KIR3DL2: variants seen among roughly 807,000 people sequenced by gnomAD.
The protein encoded by KIR3DL2 is killer cell immunoglobulin like receptor, three Ig domains and long cytoplasmic tail 2.
Under a neutral mutation model 41.6 loss-of-function variants are expected in KIR3DL2, and 42 were observed. The ratio of observed to expected loss-of-function variants is 1.01; its 90% CI spans 0.79 to 1.31. KIR3DL2 has a LOEUF of 1.31. Among genes scored for constraint, KIR3DL2 ranks in the 50% most tolerant of loss-of-function variants. The probability of loss-of-function intolerance (pLI) is 0.00; values close to 1 mark genes in which losing one functional copy is unlikely to be tolerated. For missense variants in KIR3DL2, 728 were observed against 576.8 expected (o/e 1.26, Z -2.68); for synonymous variants, 230 against 221.3 (o/e 1.04, Z -0.35).
At position 54,851,235 on chromosome 19, in the gene KIR3DL2, AG is replaced by A. The variant is rs530464666; in HGVS notation, c.55del (p.Ala19ProfsTer67). ...TTCTTTCCAGGGTTCTTCTTGCTGC[AG>A]GGGGCCTGGCCACTCATGGGTGAGT... ...SMACVGFFLL[Q>X]GAWPLMGGQD... On this transcript the variant is annotated frameshift_variant, in exon 2 of 9. Transcript: ENST00000326321. LOFTEE classifies it high-confidence loss of function. 4.2e-5 allele frequency: 67 copies of A among 1,609,694 alleles called. No individual in the cohort carries two copies. The African/African-American group carries it at 7.4e-4, about 18-fold the overall frequency.
At chr19:54,860,539 C>A (rs1332057572) in intron 6 of KIR3DL2, among the ~76,000 whole-genome samples, 2 of 151,924 alleles carry the variant, frequency 1.3e-5, no homozygotes, top group Admixed American at 6.6e-5. Context: ...CCGGCTAACT[C>A]TTTTTGCATA....
Position 54,852,241 on chromosome 19 carries a change from G to T in KIR3DL2, c.314G>T (p.Gly105Val). 2 of 1,610,808 alleles carry T rather than the reference G, an allele frequency of 1.2e-6. No individual in the cohort carries two copies. Among genetic ancestry groups the T allele is most frequent in the Non-Finnish European group, 1.7e-6 (2 of 1,178,398 alleles). The change falls in exon 3 of 9, where the codon GGG (glycine) becomes GTG (valine). Residue 105 changes from glycine to valine, a missense_variant. Physicochemically the swap from Gly to Val is moderately radical, Grantham distance 109 (BLOSUM62 -3). Coordinates refer to ENST00000326321, the MANE Select transcript of KIR3DL2 (RefSeq NM_006737.4). Reference protein sequence around the residue: ...CRGSRPHSLTGWSAPSNPLVI... With the variant: ...CRGSRPHSLTVWSAPSNPLVI... ...GGTTCACGCCCACACTCCCTCACTGGGTGGTCGGCACCCAGCAACCCCCTG... is the reference window on the plus strand; with the variant it reads ...GGTTCACGCCCACACTCCCTCACTGTGTGGTCGGCACCCAGCAACCCCCTG...
At chr19:54,858,997 C>T in intron 5 of KIR3DL2, 82 bp from the exon 6 acceptor site, 2 of 1,247,174 alleles carry the variant, frequency 1.6e-6, no homozygotes, top group Non-Finnish European at 2.3e-6. Context: ...AGAGTGTTGG[C>T]CATGAACCAA....
Position 54,866,316 on chromosome 19 carries a change from A to T in KIR3DL2, c.1106-54A>T, listed in dbSNP as rs546293196. On this transcript the variant is annotated intron_variant, in intron 7 of 8. Coordinates refer to ENST00000326321, the MANE Select transcript of KIR3DL2 (RefSeq NM_006737.4). ...CTGTGGGTTGGTGTCTGCCCATGAA[A>T]TGAGGACCCAGAAGGGCCCTCCAAG... The T allele has an allele frequency of 4.1e-4, 659 of 1,596,318 alleles. 10 individuals carry two copies. In the South Asian group the frequency reaches 6.8e-3, roughly 17 times the overall value.
chr19:54,857,541 T>C (rs565108403), intron 5 of KIR3DL2, among the ~76,000 whole-genome samples: 2 of 130,634 alleles, frequency 1.5e-5, no homozygotes, highest in South Asian at 5.1e-4. Flanking sequence ...CATTTTACTT[T>C]ACTTTATTTA....
At chr19:54,855,934 C>T in intron 5 of KIR3DL2, 22 bp downstream of exon 5, 1 of 1,612,380 alleles carries the variant, frequency 6.2e-7, no homozygotes, top group Non-Finnish European at 8.5e-7. Context: ...CCGTGTCTGT[C>T]CCATGTCTTA....
chr19:54,850,637 G>T lies in KIR3DL2; in HGVS notation c.34+128G>T. On this transcript the variant is annotated intron_variant, in intron 1 of 8. Transcript: ENST00000326321. ...ATATGGGCCTGGGTGTGGAGATATG[G>T]GCCTGGAGGTGTAAATATGGGCCTG... The T allele has an allele frequency of 1.1e-5, 16 of 1,412,490 alleles. No homozygotes were observed. The South Asian group carries it at 1.9e-4, about 16-fold the overall frequency. 87.5% of individuals were successfully genotyped at this position (1,412,490 alleles called of 1,614,324 possible).
At position 54,859,114 on chromosome 19, in the gene KIR3DL2, C is replaced by A. The variant is rs1394177984; in HGVS notation, c.985C>A (p.Pro329Thr). The A allele has an allele frequency of 8.1e-6, 13 of 1,613,594 alleles. No individual in the cohort carries two copies. The East Asian group carries it at 2.9e-4, about 36-fold the overall frequency. Residue 329 changes from proline (P) to threonine (T), a missense_variant, in exon 6 of 9, where the codon CCA becomes ACA. Physicochemically the swap from Pro to Thr is conservative, Grantham distance 38. Coordinates refer to ENST00000326321, the MANE Select transcript of KIR3DL2 (RefSeq NM_006737.4). The part of the protein sequence containing the change: ...PSSSWPSPTE[P>T]SSKSGICRHL... ...AAGTAGTTGGCCTTCACCCACAGAA[C>A]CAAGCTCCAAATCTGGTGAGTAAAG...
At chr19:54,865,011 T>C (rs551251954) in intron 6 of KIR3DL2, among the ~76,000 whole-genome samples, 2 of 152,242 alleles carry the variant, frequency 1.3e-5, no homozygotes, top group South Asian at 2.1e-4. Context: ...AGATGGCTCT[T>C]ATTATTTTGA....
chr19:54,858,521 G>A (rs1170820829), intron 5 of KIR3DL2, among the ~76,000 whole-genome samples: 3 of 150,856 alleles, frequency 2.0e-5, no homozygotes, highest in Admixed American at 6.6e-5. Context: ...CTAAAGCCAG[G>A]AGTTCAAGAC....
rs2064534522 is a variant in KIR3DL2 at position 54,854,066 on chromosome 19, C to G, written c.655+20C>G. On this transcript the variant is annotated intron_variant, in intron 4 of 8. Coordinates refer to ENST00000326321, the MANE Select transcript of KIR3DL2 (RefSeq NM_006737.4). ...TCACAGGTGAGAGTGTCCAGACATT[C>G]TTCTCATTGTCATTGGGACACAGAG... 2 of 1,611,018 alleles carry G rather than the reference C, an allele frequency of 1.2e-6. No individual in the cohort carries two copies. Among genetic ancestry groups the G allele is most frequent in the South Asian group, 2.2e-5 (2 of 91,052 alleles).
Position 54,854,140 on chromosome 19 carries a change from C to T in KIR3DL2, c.655+94C>T, listed in dbSNP as rs550985226. Reference sequence around the variant, plus strand: ...CCCAGGTGGTCATGAGGAAGATAAGCGTGGGATTCTTATGGAGAGAGACTG... The same window carrying T: ...CCCAGGTGGTCATGAGGAAGATAAGTGTGGGATTCTTATGGAGAGAGACTG... On this transcript the variant is annotated intron_variant, in intron 4 of 8. Transcript: ENST00000326321. 5.7e-4 allele frequency: 824 copies of T among 1,449,138 alleles called. 4 individuals are homozygous for T. Among genetic ancestry groups the T allele is most frequent in the Non-Finnish European group, 7.0e-4 (726 of 1,039,688 alleles). The allele number at this position is 1,449,138 out of a possible 1,614,324, so 89.8% of individuals were successfully genotyped here.
At position 54,854,155 on chromosome 19, in the gene KIR3DL2, G is replaced by C. The variant is rs918583712; in HGVS notation, c.655+109G>C. 18 of 1,331,780 alleles carry C rather than the reference G, an allele frequency of 1.4e-5. No individual in the cohort carries two copies. In the Admixed American group the frequency reaches 3.1e-4, roughly 23 times the overall value. 82.5% of individuals were successfully genotyped at this position (1,331,780 alleles called of 1,614,324 possible). A position where few individuals can be genotyped will look rare whatever the true frequency, so the allele number is the denominator to read the frequency against. ...GGAAGATAAGCGTGGGATTCTTATG[G>C]AGAGAGACTGACTCGGTGAGGTCTG... On this transcript the variant is annotated intron_variant, in intron 4 of 8. Transcript: ENST00000326321.
intron 1 of KIR3DL2, 37 bp from the exon 2 acceptor site, chr19:54,851,183 C>A (rs1601716367): frequency 6.2e-7 from 1 of 1,609,700 alleles, no homozygotes; most frequent in Non-Finnish European, 8.5e-7. Flanking sequence ...CCTGGTTTGC[C>A]TGCAGTTGGA....
At chr19:54,865,716 A>G in intron 6 of KIR3DL2, 89 bp from the exon 7 acceptor site, 1 of 1,180,578 alleles carries the variant, frequency 8.5e-7, no homozygotes, top group Non-Finnish European at 1.3e-6. Flanking sequence ...GAGATGTTCC[A>G]TGTGGTTACC....
rs1464501396 is a variant in KIR3DL2 at position 54,850,510 on chromosome 19, G to A, written c.34+1G>A. 2.5e-6 allele frequency: 4 copies of A among 1,609,596 alleles called. No individual in the cohort carries two copies. Among genetic ancestry groups the A allele is most frequent in the African/African-American group, 1.3e-5 (1 of 74,540 alleles). ...ACGGTCGTCAGCATGGCGTGCGTTGGTGAGTCCTGGAAGGGAATAGAGGGA... is the reference window on the plus strand; with the variant it reads ...ACGGTCGTCAGCATGGCGTGCGTTGATGAGTCCTGGAAGGGAATAGAGGGA... On this transcript the variant is annotated splice_donor_variant, in intron 1 of 8. Transcript: ENST00000326321. LOFTEE classifies it high-confidence loss of function.
Position 54,865,794 on chromosome 19 carries a change from T to A in KIR3DL2, c.1001-11T>A, listed in dbSNP as rs796734062. 6.2e-7 allele frequency: 1 copy of A among 1,601,386 alleles called. No homozygotes were observed. Among genetic ancestry groups the A allele is most frequent in the South Asian group, 1.1e-5 (1 of 90,828 alleles). On this transcript the variant is annotated splice_polypyrimidine_tract_variant and intron_variant, in intron 6 of 8. Coordinates refer to ENST00000326321, the MANE Select transcript of KIR3DL2 (RefSeq NM_006737.4). ...TGATTAGCTTCTTATTGGATTCCCATCTTCCTCCAGGTATCTGCAGACACC... is the reference window on the plus strand; with the variant it reads ...TGATTAGCTTCTTATTGGATTCCCAACTTCCTCCAGGTATCTGCAGACACC...
chr19:54,851,627 G>A (rs940230517), intron 2 of KIR3DL2, among the ~76,000 whole-genome samples: 1 of 151,708 alleles, frequency 6.6e-6, no homozygotes, highest in East Asian at 1.9e-4. Flanking sequence ...TCTACCAGAA[G>A]AGGGGGGAAA....
chr19:54,855,565 G>A, intron 4 of KIR3DL2, 54 bp from the exon 5 acceptor site: 1 of 1,595,370 alleles, frequency 6.3e-7, no homozygotes, highest in Non-Finnish European at 8.5e-7. Context: ...CAGGTATGAG[G>A]GGAGCTGTGA....
Sources: allele counts gnomAD v4.1 joint callset (sites outside exome capture counted in the v4.1 genomes callset), GRCh38; gene constraint gnomAD v4.1.1; transcripts MANE v1.5; gene names NCBI Gene and HGNC (gene_info 2026-07-23, HGNC 2026-07-21).